The following SLC24A1 variants were observed in gnomAD, a reference collection of about 807,000 sequenced individuals.
The protein encoded by SLC24A1 is solute carrier family 24 member 1, also known as sodium/potassium/calcium exchanger 1.
Under a neutral mutation model 88.1 loss-of-function variants are expected in SLC24A1, and 52 were observed. The ratio of observed to expected loss-of-function variants is 0.59; its 90% CI spans 0.47 to 0.74. The LOEUF is 0.74. SLC24A1 is among the 30% of genes least tolerant of loss of function. The pLI is 0.00. For synonymous variants in SLC24A1, 455 were observed against 498.0 expected (o/e 0.91, Z 1.15); for missense variants, 1,173 against 1,363.3 (o/e 0.86, Z 2.20).
At position 65,654,266 on chromosome 15, in the gene SLC24A1, T is replaced by C; in HGVS notation, c.*187T>C. ...GAAACACCTGCAGCTCATTGTGGAT[T>C]AAGAACCTCACCCCTGGAGGGGTGG... On this transcript the variant is annotated 3_prime_UTR_variant, in exon 10 of 10. Coordinates refer to ENST00000261892, the MANE Select transcript of SLC24A1 (RefSeq NM_004727.3). 7.1e-7 allele frequency: 1 copy of C among 1,400,000 alleles called. No homozygotes were observed. The highest frequency in any genetic ancestry group is 9.2e-7 in the Non-Finnish European group (1 of 1,083,110). The allele number at this position is 1,400,000 out of a possible 1,614,324, so 86.7% of individuals were successfully genotyped here.
chr15:65,658,175 T>C (rs956760287), downstream of SLC24A1: 1 of 152,342 alleles, frequency 6.6e-6, no homozygotes, highest in Non-Finnish European at 1.5e-5. Context: ...TTAAGAAATA[T>C]AAGCCAGCCA....
intron 2 of SLC24A1, among the ~76,000 whole-genome samples, chr15:65,626,775 A>C (rs2074534542): frequency 6.6e-6 from 1 of 151,414 alleles, no homozygotes; most frequent in Admixed American, 6.6e-5. Flanking sequence ...CTGAAAATTC[A>C]TTCCAAAATT....
Position 65,654,565 on chromosome 15 carries a change from T to C in SLC24A1, c.*486T>C. On this transcript the variant is annotated 3_prime_UTR_variant, in exon 10 of 10. Transcript: ENST00000261892. Reference sequence around the variant, plus strand: ...TCCTTTTCTGTTCAAATTGTGAGGTTCTATCAGGTTTGTAATCACTGTAGC... The same window carrying C: ...TCCTTTTCTGTTCAAATTGTGAGGTCCTATCAGGTTTGTAATCACTGTAGC... The C allele has an allele frequency of 8.4e-7, 1 of 1,191,610 alleles. No individual in the cohort carries two copies. The highest frequency in any genetic ancestry group is 1.6e-5 in the South Asian group (1 of 63,332). The allele number at this position is 1,191,610 out of a possible 1,614,324, so 73.8% of individuals were successfully genotyped here.
In SLC24A1 at chr15:65,651,664, A is replaced by C. The variant is rs781723615; in HGVS notation, c.2794-6A>C. Reference sequence around the variant, plus strand: ...TACTTCTTGTCCTTTTCAAACTTTCAAACAGGAGTCTAGGAAGTTTTTTGT... The same window carrying C: ...TACTTCTTGTCCTTTTCAAACTTTCCAACAGGAGTCTAGGAAGTTTTTTGT... On this transcript the variant is annotated splice_region_variant and splice_polypyrimidine_tract_variant and intron_variant, in intron 7 of 9. Transcript: ENST00000261892. 6.5e-7 allele frequency: 1 copy of C among 1,536,646 alleles called. No individual in the cohort carries two copies. Among genetic ancestry groups the C allele is most frequent in the African/African-American group, 1.4e-5 (1 of 73,516 alleles).
upstream of SLC24A1, chr15:65,618,855 A>G (rs2074230931): frequency 6.6e-6 from 1 of 152,264 alleles, no homozygotes; most frequent in African/African-American, 2.4e-5. Context: ...GTCCTCTGAA[A>G]TCACCTCTCT....
downstream of SLC24A1, chr15:65,660,489 T>C: frequency 1.9e-6 from 1 of 538,666 alleles, no homozygotes; most frequent in Non-Finnish European, 3.3e-6. Context: ...CCTTCACTAA[T>C]GATAATGTGT....
chr15:65,630,383 T>C (rs2074674863), intron 2 of SLC24A1, among the ~76,000 whole-genome samples: 1 of 152,188 alleles, frequency 6.6e-6, no homozygotes, highest in African/African-American at 2.4e-5. Context: ...CCTTTTCTTA[T>C]CAGGGTTGGC....
chr15:65,646,395 C>G lies in SLC24A1; in HGVS notation c.2232+692C>G, dbSNP rs572651774. Reference sequence around the variant, plus strand: ...CCCGGCCGTCTCCATGTTTTTCTACCTCCCAGCCTTGGCTCACATGGTTTT... The same window carrying G: ...CCCGGCCGTCTCCATGTTTTTCTACGTCCCAGCCTTGGCTCACATGGTTTT... On this transcript the variant is annotated intron_variant, in intron 6 of 9. Transcript: ENST00000261892. Among the ~76,000 whole-genome samples the G allele has an allele frequency of 5.3e-5, 8 of 152,138 alleles. No homozygotes were observed. In the East Asian group the frequency reaches 1.5e-3, roughly 29 times the overall value.
At position 65,632,550 on chromosome 15, in the gene SLC24A1, T is replaced by A. The variant is rs2074765868; in HGVS notation, c.1891-5578T>A. On this transcript the variant is annotated intron_variant, in intron 2 of 9. Transcript: ENST00000261892. ...AAAGTCTGGGCTGGAAACAGAAAAT[T>A]GTGAATCACCAACAAATGTATGGTA... Among the ~76,000 whole-genome samples the A allele has an allele frequency of 3.3e-5, 5 of 152,104 alleles. No individual in the cohort carries two copies. The South Asian group carries it at 1.0e-3, about 32-fold the overall frequency.
intron 2 of SLC24A1, among the ~76,000 whole-genome samples, chr15:65,635,463 A>AG (rs1203446116): frequency 4.9e-4 from 73 of 149,932 alleles, no homozygotes; most frequent in Middle Eastern, 3.4e-3. Flanking sequence ...AAAAAAAAAA[A>AG]AAAAAAAGAA....
At chr15:65,641,928 C>G (rs916324336) in intron 4 of SLC24A1, among the ~76,000 whole-genome samples, 3 of 152,228 alleles carry the variant, frequency 2.0e-5, no homozygotes, top group Non-Finnish European at 2.9e-5. Context: ...AGCCATGATC[C>G]GGCCCTGCTG....
At chr15:65,640,746 T>G (rs186829407) in intron 4 of SLC24A1, among the ~76,000 whole-genome samples, 23 of 152,200 alleles carry the variant, frequency 1.5e-4, no homozygotes, top group Admixed American at 2.6e-4. Context: ...GAGACAATAT[T>G]GGGTTGTCAG....
chr15:65,612,949 A>C (rs1171018227), intron 2 of SLC24A1, among the ~76,000 whole-genome samples: 1 of 152,232 alleles, frequency 6.6e-6, no homozygotes, highest in Non-Finnish European at 1.5e-5. Flanking sequence ...GGACTGTGTT[A>C]CTTAGGGCAA....
Position 65,654,183 on chromosome 15 carries a change from A to T in SLC24A1, c.*104A>T. The T allele has an allele frequency of 1.3e-6, 2 of 1,508,122 alleles. No individual in the cohort carries two copies. The highest frequency in any genetic ancestry group is 4.5e-5 in the Admixed American group (2 of 44,716). The allele number at this position is 1,508,122 out of a possible 1,614,324, so 93.4% of individuals were successfully genotyped here. ...AGAATGTATATGATCCTGGAAAGTG[A>T]ACTGGGTGACCTAGGACCTCTGATA... On this transcript the variant is annotated 3_prime_UTR_variant, in exon 10 of 10. Transcript: ENST00000261892.
intron 9 of SLC24A1, 150 bp downstream of exon 9, chr15:65,652,958 C>A: frequency 3.4e-6 from 2 of 589,772 alleles, no homozygotes; most frequent in Non-Finnish European, 5.6e-6. Context: ...AAATATCTTC[C>A]CTTCATTCAT....
chr15:65,649,525 C>A (rs2075423691), intron 6 of SLC24A1, among the ~76,000 whole-genome samples: 1 of 152,088 alleles, frequency 6.6e-6, no homozygotes, highest in South Asian at 2.1e-4. Flanking sequence ...ATTCAAATCC[C>A]AACTTCATCA....
At chr15:65,660,639 T>C (rs1179662923), downstream of SLC24A1, 7 of 209,106 alleles carry the variant, frequency 3.3e-5, no homozygotes, top group Admixed American at 1.1e-4. Flanking sequence ...TTAATACTCA[T>C]GATGTCTAAA....
upstream of SLC24A1, among the ~76,000 whole-genome samples, chr15:65,620,334 C>A (rs2141421847): frequency 6.6e-6 from 1 of 152,204 alleles, no homozygotes; most frequent in East Asian, 1.9e-4. Flanking sequence ...CTAACACAAT[C>A]TGATTGTGAT....
intron 6 of SLC24A1, among the ~76,000 whole-genome samples, chr15:65,649,929 A>G (rs536709359): frequency 1.3e-5 from 2 of 152,340 alleles, no homozygotes; most frequent in African/African-American, 4.8e-5. Context: ...CTCCTGGGAT[A>G]TAAGCTAATT....
Sources: gnomAD v4.1 joint callset for allele counts (sites outside exome capture counted in the v4.1 genomes callset) on GRCh38, gnomAD v4.1.1 for gene constraint, MANE v1.5 for transcripts, NCBI Gene and HGNC (gene_info 2026-07-23, HGNC 2026-07-21) for gene names.